TP63: variants seen among roughly 807,000 people sequenced by gnomAD.
TP63 encodes the protein tumor protein p63.
A neutral mutation model predicts 82.8 loss-of-function variants in TP63; 17 were observed. The ratio of observed to expected loss-of-function variants is 0.21; its 90% confidence interval spans 0.14 to 0.31. The LOEUF is 0.31. Among genes scored for constraint, TP63 ranks in the 10% least tolerant of loss-of-function variants. The pLI is 1.00. For missense variants in TP63, 648 were observed against 895.3 expected (o/e 0.72, Z 3.52); for synonymous variants, 330 against 321.7 (o/e 1.03, Z -0.28).
upstream of TP63, among the ~76,000 whole-genome samples, chr3:189,628,229 T>G: frequency 6.6e-6 from 1 of 152,098 alleles, no homozygotes; most frequent in East Asian, 1.9e-4. Context: ...GAATTTTTGG[T>G]CTTTGAAGGA....
intron 1 of TP63, among the ~76,000 whole-genome samples, chr3:189,697,834 T>C (rs909664329): frequency 7.9e-6 from 1 of 127,116 alleles, no homozygotes; most frequent in Non-Finnish European, 1.8e-5. Context: ...TAAATTTTCA[T>C]TTTTATTTGT....
intron 3 of TP63, among the ~76,000 whole-genome samples, chr3:189,803,171 G>T (rs1170596775): frequency 6.6e-6 from 1 of 152,156 alleles, no homozygotes; most frequent in Admixed American, 6.5e-5. Context: ...GGTGGCACCT[G>T]CCTGTAATCC....
At chr3:189,737,957 T>C (rs1720716004) in intron 2 of TP63, 89 bp downstream of exon 2, 4 of 1,517,588 alleles carry the variant, frequency 2.6e-6, no homozygotes, top group Non-Finnish European at 2.7e-6. Context: ...GCATGTTTTT[T>C]CTAGAATCAG....
chr3:189,765,310 T>C (rs1405405591), intron 3 of TP63, among the ~76,000 whole-genome samples: 17 of 151,922 alleles, frequency 1.1e-4, no homozygotes, highest in Admixed American at 1.1e-3. Flanking sequence ...TATATTGTTT[T>C]TTTCCCCCCT....
chr3:189,750,275 G>C (rs944781351), intron 3 of TP63, among the ~76,000 whole-genome samples: 1 of 152,146 alleles, frequency 6.6e-6, no homozygotes, highest in Non-Finnish European at 1.5e-5. Flanking sequence ...TTTATCTCAT[G>C]GAAGTAGAGA....
rs1334460376 is a variant in TP63 at position 189,689,101 on chromosome 3, TTTC to T, written c.63-48636_63-48634del. 5.5e-3 allele frequency among the ~76,000 whole-genome samples: 138 copies of T among 25,008 alleles called. 25 individuals are homozygous for T. Among genetic ancestry groups the T allele is most frequent in the African/African-American group, 0.044 (130 of 2,926 alleles). 16.4% of individuals were successfully genotyped at this position (25,008 alleles called of 152,430 possible). On this transcript the variant is annotated intron_variant, in intron 1 of 13. Transcript: ENST00000264731. Reference sequence around the variant, plus strand: ...AGTGGCCAGCATTCAAATCTACCTTTTTCTTTTTTTTTTTTTTTTTTTTTTTTT... The same window carrying T: ...AGTGGCCAGCATTCAAATCTACCTTTTTTTTTTTTTTTTTTTTTTTTTTTT...
upstream of TP63, among the ~76,000 whole-genome samples, chr3:189,627,591 A>G (rs35135349): frequency 0.12 from 17,967 of 152,210 alleles, 1,451 homozygotes; most frequent in East Asian, 0.4. Flanking sequence ...GCCACATGTA[A>G]CTAGTGGCTA....
At chr3:189,744,832 C>T (rs1197744981) in intron 3 of TP63, among the ~76,000 whole-genome samples, 1 of 152,196 alleles carries the variant, frequency 6.6e-6, no homozygotes, top group East Asian at 1.9e-4. Context: ...GACTCACTAA[C>T]AATGGTACCA....
At chr3:189,846,143 G>A (rs1418227318) in intron 4 of TP63, among the ~76,000 whole-genome samples, 4 of 151,662 alleles carry the variant, frequency 2.6e-5, no homozygotes, top group African/African-American at 9.7e-5. Context: ...CCTTCTCTTT[G>A]CAACATATTA....
chr3:189,835,931 A>AATT (rs1713081701), intron 4 of TP63, among the ~76,000 whole-genome samples: 1 of 96,592 alleles, frequency 1.0e-5, no homozygotes, highest in African/African-American at 3.1e-5. Flanking sequence ...TAATAATAAT[A>AATT]ATAATAATAA....
chr3:189,663,007 GC>G (rs1714059050), intron 1 of TP63, among the ~76,000 whole-genome samples: 1 of 127,210 alleles, frequency 7.9e-6, no homozygotes, highest in African/African-American at 2.5e-5. Context: ...TTTCATAAGT[GC>G]TCTGAATTTT....
At chr3:189,879,107 G>C (rs1204836693) in intron 10 of TP63, among the ~76,000 whole-genome samples, 1 of 152,188 alleles carries the variant, frequency 6.6e-6, no homozygotes, top group East Asian at 1.9e-4. Context: ...GAGGTCTTTA[G>C]TTAGCTGTAC....
intron 1 of TP63, among the ~76,000 whole-genome samples, chr3:189,728,668 G>T (rs1179819071): frequency 6.6e-6 from 1 of 152,176 alleles, no homozygotes; most frequent in Non-Finnish European, 1.5e-5. Flanking sequence ...GTTGTGCATG[G>T]CTGGGGGAGG....
chr3:189,770,967 C>T (rs895904602), intron 3 of TP63, among the ~76,000 whole-genome samples: 2 of 152,068 alleles, frequency 1.3e-5, no homozygotes, highest in Admixed American at 6.6e-5. Flanking sequence ...AGTCATTTCA[C>T]ATCTTTTATT....
At chr3:189,765,934 T>C (rs1459500568) in intron 3 of TP63, among the ~76,000 whole-genome samples, 3 of 152,228 alleles carry the variant, frequency 2.0e-5, no homozygotes, top group Non-Finnish European at 4.4e-5. Context: ...TTATAGTCTG[T>C]AATGGATAAA....
intron 1 of TP63, among the ~76,000 whole-genome samples, chr3:189,677,305 A>G (rs1715493010): frequency 1.1e-5 from 1 of 87,928 alleles, no homozygotes; most frequent in South Asian, 4.2e-4. Flanking sequence ...TAAATGTTTT[A>G]TATATATTCT....
rs193137597 is a variant in TP63 at position 189,785,592 on chromosome 3, G to A, written c.325-22680G>A. Among the ~76,000 whole-genome samples the A allele has an allele frequency of 1.8e-4, 28 of 152,074 alleles. No homozygotes were observed. In the East Asian group the frequency reaches 5.2e-3, roughly 28 times the overall value. ...TGAATATATCGGGAAAGCAAATGAA[G>A]GCATTCTAAACTGAGGGACCGGAAT... On this transcript the variant is annotated intron_variant, in intron 3 of 13. Coordinates refer to ENST00000264731, the MANE Select transcript of TP63 (RefSeq NM_003722.5).
chr3:189,671,597 T>C (rs968341738), intron 1 of TP63, among the ~76,000 whole-genome samples: 2 of 152,170 alleles, frequency 1.3e-5, no homozygotes, highest in African/African-American at 4.8e-5. Context: ...TTTATATTTA[T>C]TGCAGATCTA....
chr3:189,700,201 A>G (rs1056540378), intron 1 of TP63, among the ~76,000 whole-genome samples: 21 of 152,124 alleles, frequency 1.4e-4, no homozygotes, highest in African/African-American at 4.1e-4. Flanking sequence ...GATTTTTCCA[A>G]TTGAGGTTTT....
Sources: gnomAD v4.1 joint callset for allele counts (sites outside exome capture counted in the v4.1 genomes callset) on GRCh38, gnomAD v4.1.1 for gene constraint, MANE v1.5 for transcripts, NCBI Gene and HGNC (gene_info 2026-07-23, HGNC 2026-07-21) for gene names.